Variants in PDK3 observed in about 807,000 individuals in gnomAD.
The protein encoded by PDK3 is pyruvate dehydrogenase kinase 3.
A neutral mutation model predicts 32.0 loss-of-function variants in PDK3; 12 were observed. The ratio of observed to expected loss-of-function variants is 0.37; its 90% confidence interval spans 0.24 to 0.61. The LOEUF (loss-of-function observed/expected upper bound fraction) is 0.61. Among genes scored for constraint, PDK3 ranks in the 20% least tolerant of loss-of-function variants. The pLI is 0.65. For synonymous variants in PDK3, 122 were observed against 116.3 expected, an observed-to-expected ratio of 1.05 and a Z score of -0.31; for missense variants, 188 against 316.9, an observed-to-expected ratio of 0.59 and a Z score of 3.09.
Position 24,465,347 on chromosome X carries a change from G to C in PDK3, c.-109G>C, listed in dbSNP as rs988653654. On this transcript the variant is annotated 5_prime_UTR_variant, in exon 1 of 11. Coordinates refer to ENST00000379162, the MANE Select transcript of PDK3 (RefSeq NM_005391.5). ...CACCGGCGGCGCCGAGGCCGAGATC[G>C]AGGCCGGGGTGCGCGCTTCGCAAAC... is the stretch of plus-strand genomic sequence containing the variant. 2.1e-6 allele frequency: 1 copy of C among 481,659 alleles called. No homozygotes were observed. The highest frequency in any genetic ancestry group is 3.2e-6 in the Non-Finnish European group (1 of 313,401). The allele number at this position is 481,659 out of a possible 1,213,427, so 39.7% of individuals were successfully genotyped here. A position where few individuals can be genotyped will look rare whatever the true frequency, so the allele number is the denominator to read the frequency against.
At chrX:24,536,003 G>GGGGGAA (rs1179125460), downstream of PDK3, among the ~76,000 whole-genome samples, 3 of 105,536 alleles carry the variant, frequency 2.8e-5, no homozygotes, top group African/African-American at 1.0e-4. Flanking sequence ...AGGAAAGGGA[G>GGGGGAA]GGGGAAGGGG....
chrX:24,506,013 T>A (rs16983096), intron 5 of PDK3, among the ~76,000 whole-genome samples: 11,961 of 111,291 alleles, frequency 0.11, 884 homozygotes, highest in African/African-American at 0.26. Context: ...TTTATCTCCC[T>A]TCTTTAAACG....
At chrX:24,484,050 C>T (rs1258708548) in intron 1 of PDK3, among the ~76,000 whole-genome samples, 5 of 107,079 alleles carry the variant, frequency 4.7e-5, no homozygotes, top group East Asian at 5.9e-4. Flanking sequence ...CTCACTGTGT[C>T]GCCCAGGCTG....
At chrX:24,505,655 G>A (rs778680664) in intron 5 of PDK3, among the ~76,000 whole-genome samples, 24 of 111,944 alleles carry the variant, frequency 2.1e-4, no homozygotes, top group African/African-American at 7.1e-4. Context: ...TTGAATTCAC[G>A]TGTCTATAAA....
intron 2 of PDK3, among the ~76,000 whole-genome samples, chrX:24,496,320 C>CACACACAT (rs55808399): frequency 9.2e-6 from 1 of 109,226 alleles, no homozygotes; most frequent in Non-Finnish European, 1.9e-5. Flanking sequence ...CACACACACA[C>CACACACAT]GTGCGTGCAC....
At chrX:24,495,588 A>G (rs1407869972) in intron 2 of PDK3, among the ~76,000 whole-genome samples, 1 of 112,607 alleles carries the variant, frequency 8.9e-6, no homozygotes. Context: ...GAACAGCCAC[A>G]TGGGAGAGAT....
At chrX:24,528,256 T>C (rs1007255968) in intron 9 of PDK3, 70 bp downstream of exon 9, 1 of 555,785 alleles carries the variant, frequency 1.8e-6, no homozygotes, top group African/African-American at 2.3e-5. Context: ...GAGCTGCCTC[T>C]CTCCCCAGGT....
intron 5 of PDK3, among the ~76,000 whole-genome samples, chrX:24,506,801 CTTTTTTT>C (rs10682263): frequency 6.5e-3 from 322 of 49,453 alleles, no homozygotes; most frequent in Non-Finnish European, 7.9e-3. Flanking sequence ...TTTTTTCTTT[CTTTTTTT>C]TTTTTTTTTT....
rs1358416195 is a variant in PDK3, at chrX:24,505,257, G to A, written c.554G>A (p.Gly185Glu). The A allele has an allele frequency of 8.3e-7, 1 of 1,205,788 alleles. No individual in the cohort carries two copies. The highest frequency in any genetic ancestry group is 1.8e-5 in the African/African-American group (1 of 57,041). The change falls in exon 5 of 11, where the codon GGA (glycine) becomes GAA (glutamate). Residue 185 changes from glycine to glutamate, a missense_variant. Coordinates refer to ENST00000379162, the MANE Select transcript of PDK3 (RefSeq NM_005391.5). ...DTNPVHPKHI[G>E]SIDPTCNVAD... The stretch of plus-strand genomic sequence containing the variant: ...AATCCTGTTCATCCTAAACACATAG[G>A]AAGTATCGATCCCACCTGTAACGTG...
At chrX:24,507,966 A>G (rs1922024395) in intron 5 of PDK3, among the ~76,000 whole-genome samples, 1 of 111,859 alleles carries the variant, frequency 8.9e-6, no homozygotes, top group African/African-American at 3.3e-5. Context: ...ACATGGGCTC[A>G]TTATACTATG....
At chrX:24,523,021 T>C (rs1922435539) in intron 6 of PDK3, among the ~76,000 whole-genome samples, 1 of 111,627 alleles carries the variant, frequency 9.0e-6, no homozygotes, top group South Asian at 3.8e-4. Context: ...CCTTAGTCCA[T>C]TTAGGCTGCT....
At chrX:24,489,836 G>A (rs1921508348) in intron 1 of PDK3, among the ~76,000 whole-genome samples, 1 of 111,753 alleles carries the variant, frequency 8.9e-6, no homozygotes, top group African/African-American at 3.2e-5. Flanking sequence ...TAGAGAGACA[G>A]ATAAAAGTTT....
chrX:24,516,683 G>T (rs989984523), intron 5 of PDK3, among the ~76,000 whole-genome samples: 2 of 111,559 alleles, frequency 1.8e-5, no homozygotes, highest in African/African-American at 6.5e-5. Flanking sequence ...TGGGTGGAGG[G>T]GAGTAACTGC....
intron 5 of PDK3, among the ~76,000 whole-genome samples, chrX:24,506,023 G>T (rs888116867): frequency 9.0e-6 from 1 of 111,109 alleles, no homozygotes; most frequent in Non-Finnish European, 1.9e-5. Context: ...TTCTTTAAAC[G>T]CTCACCTCCC....
In PDK3 at chrX:24,533,920, C is replaced by G. The variant is rs1472827741; in HGVS notation, c.1078-9C>G. 8.5e-7 allele frequency: 1 copy of G among 1,182,464 alleles called. No individual in the cohort carries two copies. Among genetic ancestry groups the G allele is most frequent in the Non-Finnish European group, 1.1e-6 (1 of 878,149 alleles). ...CGACCTTTGGTGTATATTTTTGTTT[C>G]TCCAATAGGCTCTTTCAAGTGAGTC... On this transcript the variant is annotated splice_polypyrimidine_tract_variant and intron_variant, in intron 10 of 10. Coordinates refer to ENST00000379162, the MANE Select transcript of PDK3 (RefSeq NM_005391.5).
chrX:24,474,594 AG>A (rs1333399763), intron 1 of PDK3, among the ~76,000 whole-genome samples: 8 of 108,983 alleles, frequency 7.3e-5, no homozygotes, highest in Non-Finnish European at 1.3e-4. Context: ...TTGTATTTTT[AG>A]CAGAGACGGG....
intron 5 of PDK3, among the ~76,000 whole-genome samples, chrX:24,510,504 C>T (rs1369078832): frequency 1.8e-5 from 2 of 112,171 alleles, no homozygotes; most frequent in African/African-American, 6.5e-5. Flanking sequence ...TTAGTGAGAA[C>T]GTTGTTTTAT....
At chrX:24,507,818 G>C (rs1445900235) in intron 5 of PDK3, among the ~76,000 whole-genome samples, 1 of 95,744 alleles carries the variant, frequency 1.0e-5, no homozygotes, top group Non-Finnish European at 2.2e-5. Flanking sequence ...TTATAAAGGA[G>C]TGCTAGCTTT....
At position 24,492,540 on chromosome X, in the gene PDK3, G is replaced by C. The variant is rs972131451; in HGVS notation, c.107-2202G>C. Among the ~76,000 whole-genome samples, 39 of 111,569 alleles carry C rather than the reference G, an allele frequency of 3.5e-4. 1 individual carries two copies. The highest frequency in any genetic ancestry group is 6.6e-4 in the Non-Finnish European group (35 of 53,107). ...GGGGGTGGAGGTTGCAGTAAGCGGA[G>C]ATCATGCCACTGCACTCCAGCCTGG... On this transcript the variant is annotated intron_variant, in intron 1 of 10. Coordinates refer to ENST00000379162, the MANE Select transcript of PDK3 (RefSeq NM_005391.5).
Sources: gnomAD v4.1 joint callset for allele counts (sites outside exome capture counted in the v4.1 genomes callset) on GRCh38, gnomAD v4.1.1 for gene constraint, MANE v1.5 for transcripts, NCBI Gene and HGNC (gene_info 2026-07-23, HGNC 2026-07-21) for gene names.